PSMD11: variants seen among roughly 807,000 people sequenced by gnomAD.
The protein encoded by PSMD11 is 26S proteasome non-ATPase regulatory subunit 11.
PSMD11 carries 5 observed loss-of-function variants against 62.3 expected under a neutral mutation model. That is an observed-to-expected ratio of 0.08 (90% CI 0.04 to 0.17). The LOEUF is 0.17. Ranked by LOEUF, PSMD11 falls within the 10% of genes least tolerant of loss-of-function variation. The probability of loss-of-function intolerance (pLI) is 1.00; values close to 1 mark genes in which losing one functional copy is unlikely to be tolerated. For missense variants in PSMD11, 310 were observed against 512.9 expected, an observed-to-expected ratio of 0.60 and a Z score of 3.82; for synonymous variants, 191 against 191.8, an observed-to-expected ratio of 1.00 and a Z score of 0.03.
intron 3 of PSMD11, among the ~76,000 whole-genome samples, chr17:32,459,841 G>C (rs1326455463): frequency 6.6e-6 from 1 of 152,000 alleles, no homozygotes; most frequent in African/African-American, 2.4e-5. Flanking sequence ...TGGCCAGGGT[G>C]GTCTTGAACT....
chr17:32,475,262 T>C (rs1908283430), intron 8 of PSMD11, among the ~76,000 whole-genome samples: 1 of 152,160 alleles, frequency 6.6e-6, no homozygotes, highest in Non-Finnish European at 1.5e-5. Flanking sequence ...TGAGATTTAC[T>C]TCTGTGCTTC....
chr17:32,454,704 A>G, intron 3 of PSMD11, 85 bp downstream of exon 3: 1 of 1,444,878 alleles, frequency 6.9e-7, no homozygotes, highest in Non-Finnish European at 9.4e-7. Context: ...CTTTAGTACT[A>G]ATGTGGAAGG....
chr17:32,460,529 C>G (rs1907795857), intron 3 of PSMD11, among the ~76,000 whole-genome samples: 1 of 152,034 alleles, frequency 6.6e-6, no homozygotes, highest in Admixed American at 6.5e-5. Context: ...GGTCCCAGCA[C>G]TTTGGGAGGC....
rs1235531754 is a variant in PSMD11, at chr17:32,464,545, G to A, written c.415G>A (p.Asp139Asn). The A allele has an allele frequency of 1.9e-6, 3 of 1,608,566 alleles. No homozygotes were observed. The African/African-American group carries it at 4.0e-5, about 22-fold the overall frequency. Residue 139 changes from aspartate to asparagine, a missense_variant, in exon 5 of 14, where the codon GAT becomes AAT. Around this residue, in one of 6 missense-constraint regions of PSMD11, gnomAD observed 47 missense variants for 59.0 expected, o/e 0.80. Coordinates refer to ENST00000261712, the MANE Select transcript of PSMD11 (RefSeq NM_002815.4). ...GGCAAGACTGGTGTCTTTGTACTTTGATACCAAGAGGTACCAGGAAGCATT... is the reference window on the plus strand; with the variant it reads ...GGCAAGACTGGTGTCTTTGTACTTTAATACCAAGAGGTACCAGGAAGCATT... ...LEARLVSLYF[D>N]TKRYQEALHL...
intron 3 of PSMD11, among the ~76,000 whole-genome samples, chr17:32,459,844 C>G (rs941810280): frequency 1.3e-5 from 2 of 152,052 alleles, no homozygotes; most frequent in Non-Finnish European, 1.5e-5. Flanking sequence ...CCAGGGTGGT[C>G]TTGAACTTCT....
chr17:32,477,929 T>C (rs1567859101), intron 9 of PSMD11: 1 of 170,622 alleles, frequency 5.9e-6, no homozygotes, highest in Non-Finnish European at 1.2e-5. Context: ...TCACACAGCA[T>C]AGGGTCAGAG....
chr17:32,471,947 C>T (rs544244487), intron 6 of PSMD11, among the ~76,000 whole-genome samples: 5 of 152,078 alleles, frequency 3.3e-5, no homozygotes, highest in African/African-American at 7.2e-5. Context: ...CAGCTCCCAT[C>T]GCTATCATCA....
At position 32,474,841 on chromosome 17, in the gene PSMD11, C is replaced by T. The variant is rs1474959436; in HGVS notation, c.849+17C>T. On this transcript the variant is annotated intron_variant, in intron 8 of 13. Transcript: ENST00000261712. ...GGGAGGCAGGTAGGGACTCCCTTGA[C>T]TGCAGTTCTGCTCACTCTGAGACCA... The T allele has an allele frequency of 6.2e-7, 1 of 1,608,458 alleles. No individual in the cohort carries two copies.
intron 1 of PSMD11, chr17:32,445,524 T>C (rs1359654729): frequency 6.6e-6 from 1 of 152,242 alleles, no homozygotes; most frequent in African/African-American, 2.4e-5. Context: ...CCGGCAGCTT[T>C]CTGTTGGGAT....
chr17:32,471,810 CAG>C (rs1207259768), intron 6 of PSMD11, among the ~76,000 whole-genome samples: 1 of 151,864 alleles, frequency 6.6e-6, no homozygotes, highest in East Asian at 1.9e-4. Context: ...GCTGGGAGGT[CAG>C]AGACTTGGAT....
chr17:32,453,257 G>A (rs1011149872), intron 2 of PSMD11, among the ~76,000 whole-genome samples: 1 of 152,100 alleles, frequency 6.6e-6, no homozygotes, highest in Non-Finnish European at 1.5e-5. Context: ...GAGTTACATG[G>A]GAAACTCAAT....
At chr17:32,463,668 T>C (rs189862689) in intron 3 of PSMD11, among the ~76,000 whole-genome samples, 8 of 152,360 alleles carry the variant, frequency 5.3e-5, no homozygotes, top group Admixed American at 5.2e-4. Flanking sequence ...TTATTACCTG[T>C]GTATTATACA....
intron 3 of PSMD11, among the ~76,000 whole-genome samples, chr17:32,455,952 G>A (rs1319059300): frequency 2.0e-5 from 3 of 151,908 alleles, no homozygotes; most frequent in African/African-American, 4.8e-5. Flanking sequence ...GACCATCCTG[G>A]CTAACATGGT....
At chr17:32,472,503 C>T (rs904451957) in intron 6 of PSMD11, among the ~76,000 whole-genome samples, 6 of 150,618 alleles carry the variant, frequency 4.0e-5, no homozygotes, top group African/African-American at 1.2e-4. Flanking sequence ...GGATTATAGA[C>T]GTTAGAGTTT....
chr17:32,461,635 TA>T (rs61260240), intron 3 of PSMD11, among the ~76,000 whole-genome samples: 526 of 143,014 alleles, frequency 3.7e-3, no homozygotes, highest in Admixed American at 3.7e-3. Context: ...CCAGTTCGTG[TA>T]AAAAAAAAAA....
chr17:32,444,686 A>G, intron 1 of PSMD11, 72 bp downstream of exon 1: 2 of 1,576,894 alleles, frequency 1.3e-6, no homozygotes, highest in Non-Finnish European at 1.7e-6. Context: ...GGCAGCGGAG[A>G]GGGGCCCGGC....
At chr17:32,475,406 G>A (rs752563999) in intron 8 of PSMD11, among the ~76,000 whole-genome samples, 10 of 151,584 alleles carry the variant, frequency 6.6e-5, no homozygotes, top group Non-Finnish European at 2.9e-5. Flanking sequence ...TAGGACCTAC[G>A]CAAAGATGAC....
chr17:32,476,400 C>A (rs902353756), intron 8 of PSMD11, among the ~76,000 whole-genome samples: 2 of 152,200 alleles, frequency 1.3e-5, no homozygotes, highest in Non-Finnish European at 2.9e-5. Context: ...GAATTAGGGT[C>A]ATTGGCTCTA....
At chr17:32,469,313 G>C (rs1908090217) in intron 6 of PSMD11, 120 bp downstream of exon 6, 1 of 1,063,348 alleles carries the variant, frequency 9.4e-7, no homozygotes, top group African/African-American at 1.6e-5. Context: ...AGCTTCTTCA[G>C]AGAACCAGTT....
Sources: allele counts gnomAD v4.1 joint callset (sites outside exome capture counted in the v4.1 genomes callset), GRCh38; gene constraint gnomAD v4.1.1; regional missense constraint gnomAD v4.1.1; transcripts MANE v1.5; gene names NCBI Gene and HGNC (gene_info 2026-07-23, HGNC 2026-07-21).